The following HCK variants were observed in gnomAD, a reference collection of about 807,000 sequenced individuals.
The protein encoded by HCK is HCK proto-oncogene, Src family tyrosine kinase, also known as tyrosine-protein kinase HCK.
A neutral mutation model predicts 70.4 loss-of-function variants in HCK; 40 were observed. The observed-to-expected ratio is 0.57, with a 90% CI of 0.44 to 0.74. The LOEUF (loss-of-function observed/expected upper bound fraction) is 0.74, where lower values mean the gene tolerates loss of function less well. Ranked by LOEUF, HCK falls within the 30% of genes least tolerant of loss-of-function variation. The pLI, the probability that HCK is intolerant of heterozygous loss-of-function variation, is 0.00. For synonymous variants in HCK, 245 were observed against 263.2 expected (o/e 0.93, Z 0.67); for missense variants, 568 against 697.2 (o/e 0.81, Z 2.09).
In HCK at chr20:32,083,914, C is replaced by A; in HGVS notation, c.553C>A (p.Arg185=). ...TTCAGGAAGCTACTCTTTGTCCGTG[C>A]GAGACTACGACCCTCGGCAGGGAGA... Residue 185 remains arginine, a synonymous_variant, in exon 7 of 13, where the codon CGA becomes AGA. Transcript: ENST00000375852. The A allele has an allele frequency of 3.1e-6, 5 of 1,614,190 alleles. No homozygotes were observed. Among genetic ancestry groups the A allele is most frequent in the Non-Finnish European group, 4.2e-6 (5 of 1,180,026 alleles).
chr20:32,100,044 C>T (rs375093291), intron 12 of HCK, among the ~76,000 whole-genome samples: 3 of 152,166 alleles, frequency 2.0e-5, no homozygotes, highest in South Asian at 4.1e-4. Context: ...GGACCATAGG[C>T]ACATGCCACC....
intron 1 of HCK, among the ~76,000 whole-genome samples, chr20:32,054,446 A>G (rs2045234162): frequency 1.6e-5 from 2 of 123,108 alleles, no homozygotes; most frequent in South Asian, 3.1e-4. Flanking sequence ...ATTGCACTCC[A>G]GCCTGGACAA....
At chr20:32,069,879 G>T in intron 1 of HCK, 1 of 603,104 alleles carries the variant, frequency 1.7e-6, no homozygotes, top group Non-Finnish European at 2.4e-6. Flanking sequence ...GTATAACTGA[G>T]TTCTAACTGC....
chr20:32,088,695 T>A, intron 10 of HCK, 51 bp downstream of exon 10: 1 of 1,409,978 alleles, frequency 7.1e-7, no homozygotes, highest in South Asian at 1.2e-5. Flanking sequence ...TCGATTTTTT[T>A]ACTTGCCAAA....
At chr20:32,064,283 C>G (rs1006797586) in intron 1 of HCK, among the ~76,000 whole-genome samples, 1 of 152,110 alleles carries the variant, frequency 6.6e-6, no homozygotes, top group Non-Finnish European at 1.5e-5. Flanking sequence ...CATGAGCCAC[C>G]GCGCCCATCC....
At chr20:32,082,649 C>A (rs185085671) in intron 6 of HCK, among the ~76,000 whole-genome samples, 338 of 152,048 alleles carry the variant, frequency 2.2e-3, no homozygotes, top group African/African-American at 7.2e-3. Context: ...CACACACACA[C>A]AAAAAATAAA....
chr20:32,073,210 C>T, intron 2 of HCK, 109 bp from the exon 3 acceptor site: 2 of 885,588 alleles, frequency 2.3e-6, no homozygotes, highest in Non-Finnish European at 3.6e-6. Flanking sequence ...CCTCCCACGA[C>T]ATGCAGGGCT....
chr20:32,073,129 C>G (rs915955596), intron 2 of HCK, among the ~76,000 whole-genome samples, 190 bp from the exon 3 acceptor site: 1 of 152,138 alleles, frequency 6.6e-6, no homozygotes, highest in East Asian at 1.9e-4. Flanking sequence ...AAATCTGGAC[C>G]ATTTTGTTTG....
At chr20:32,057,018 A>G (rs1484164026) in intron 1 of HCK, among the ~76,000 whole-genome samples, 1 of 152,166 alleles carries the variant, frequency 6.6e-6, no homozygotes, top group Non-Finnish European at 1.5e-5. Flanking sequence ...ATTATTTTTA[A>G]TTAGTTGCTA....
At chr20:32,061,337 T>A (rs1270184446) in intron 1 of HCK, among the ~76,000 whole-genome samples, 2 of 152,192 alleles carry the variant, frequency 1.3e-5, no homozygotes, top group Non-Finnish European at 2.9e-5. Context: ...TTGGCCAAAG[T>A]CTCTTGACAG....
intron 11 of HCK, among the ~76,000 whole-genome samples, chr20:32,094,325 G>A (rs928419162): frequency 6.6e-6 from 1 of 152,148 alleles, no homozygotes; most frequent in Non-Finnish European, 1.5e-5. Flanking sequence ...GTATCCAAAT[G>A]TCCATAGCAG....
chr20:32,064,714 G>C (rs762116893), intron 1 of HCK, among the ~76,000 whole-genome samples: 2 of 152,174 alleles, frequency 1.3e-5, no homozygotes, highest in Admixed American at 1.3e-4. Flanking sequence ...GGCAGGCCCC[G>C]GCCTCTCCCC....
chr20:32,091,478 G>A (rs534642140), intron 10 of HCK, among the ~76,000 whole-genome samples: 1 of 152,294 alleles, frequency 6.6e-6, no homozygotes, highest in South Asian at 2.1e-4. Context: ...TCACATAAGT[G>A]TTTAAGTATC....
At chr20:32,096,960 T>G (rs1056485478) in intron 11 of HCK, among the ~76,000 whole-genome samples, 1 of 152,128 alleles carries the variant, frequency 6.6e-6, no homozygotes, top group Non-Finnish European at 1.5e-5. Context: ...TTGTGCATAT[T>G]ATTTCATGTA....
chr20:32,084,839 G>A (rs1387643154), intron 8 of HCK, among the ~76,000 whole-genome samples: 2 of 152,228 alleles, frequency 1.3e-5, no homozygotes, highest in South Asian at 2.1e-4. Context: ...AACAGTTTGG[G>A]ATTGAGATAA....
chr20:32,084,479 C>T lies in HCK; in HGVS notation c.771C>T (p.Ile257=). ...CTTGGGAGAAAGATGCCTGGGAGAT[C>T]CCTCGGGAATCCCTCAAGCTGGAGA... Residue 257 remains isoleucine, a synonymous_variant, in exon 8 of 13, where the codon ATC becomes ATT. Transcript: ENST00000375852. 3 of 1,614,098 alleles carry T rather than the reference C, an allele frequency of 1.9e-6. No homozygotes were observed. The highest frequency in any genetic ancestry group is 1.3e-5 in the African/African-American group (1 of 75,028).
At chr20:32,094,763 AGGAAAGAAAGAAAGAGAG>A (rs2045919941) in intron 11 of HCK, among the ~76,000 whole-genome samples, 1 of 114,194 alleles carries the variant, frequency 8.8e-6, no homozygotes, top group East Asian at 2.2e-4. Context: ...GAAAGAAAGA[AGGAAAGAAAGAAAGAGAG>A]AGAAAGAGAA....
intron 1 of HCK, among the ~76,000 whole-genome samples, chr20:32,058,522 G>T (rs1482404780): frequency 9.7e-6 from 1 of 102,944 alleles, no homozygotes; most frequent in African/African-American, 3.4e-5. Flanking sequence ...ACAACAGCAA[G>T]ACTCTGTCAA....
At chr20:32,064,841 G>A (rs114785130) in intron 1 of HCK, among the ~76,000 whole-genome samples, 2,532 of 152,338 alleles carry the variant, frequency 0.017, 71 homozygotes, top group African/African-American at 0.057. Flanking sequence ...ACTCAGCAGA[G>A]GCTGAGGCGG....
Sources: allele counts gnomAD v4.1 joint callset (sites outside exome capture counted in the v4.1 genomes callset), GRCh38; gene constraint gnomAD v4.1.1; transcripts MANE v1.5; gene names NCBI Gene and HGNC (gene_info 2026-07-23, HGNC 2026-07-21).